Variants in STON2 observed in about 807,000 individuals in gnomAD.
STON2 encodes the protein stonin-2.
In STON2, 29 loss-of-function variants were observed where a neutral mutation model predicts 65.7. The observed-to-expected ratio is 0.44, with a 90% confidence interval of 0.33 to 0.60. The LOEUF is 0.60. STON2 is among the 20% of genes least tolerant of loss of function. The pLI is 0.03. For synonymous variants in STON2, 404 were observed against 414.2 expected, an observed-to-expected ratio of 0.98 and a Z score of 0.30; for missense variants, 1,054 against 1,118.1, an observed-to-expected ratio of 0.94 and a Z score of 0.82.
chr14:81,385,595 A>AGT (rs1899761012), intron 3 of STON2, among the ~76,000 whole-genome samples: 1 of 152,174 alleles, frequency 6.6e-6, no homozygotes, highest in African/African-American at 2.4e-5. Flanking sequence ...TTAAAAAACA[A>AGT]CAAGCTGACT....
rs1282937156 is a variant in STON2, at chr14:81,368,115, T to G, written c.571+2873A>C. On this transcript the variant is annotated intron_variant, in intron 4 of 7. Coordinates refer to ENST00000614646, the MANE Select transcript of STON2 (RefSeq NM_001394390.1). ...AAGGCAAAATATGTATATATGCTTG[T>G]ATGCATCCTCTATACATATCTGTAT... Among the ~76,000 whole-genome samples the G allele has an allele frequency of 2.6e-5, 4 of 152,214 alleles. No individual in the cohort carries two copies. In the East Asian group the frequency reaches 7.7e-4, roughly 29 times the overall value.
At chr14:81,359,281 T>A (rs938582638) in intron 4 of STON2, among the ~76,000 whole-genome samples, 1 of 152,158 alleles carries the variant, frequency 6.6e-6, no homozygotes, top group Non-Finnish European at 1.5e-5. Context: ...AACATGACTC[T>A]CAGCCAATGG....
chr14:81,298,418 G>GC (rs200367475), intron 5 of STON2, among the ~76,000 whole-genome samples: 2,504 of 55,464 alleles, frequency 0.045, 44 homozygotes, highest in Non-Finnish European at 0.076. Context: ...TTCAGATGGG[G>GC]GGGGGGAATC....
chr14:81,325,744 G>T (rs1230561640), intron 4 of STON2, among the ~76,000 whole-genome samples: 1 of 152,120 alleles, frequency 6.6e-6, no homozygotes, highest in Non-Finnish European at 1.5e-5. Flanking sequence ...ATATAGAATT[G>T]CTTGGGCAAG....
At position 81,261,670 on chromosome 14, in the gene STON2, C is replaced by A; in HGVS notation, c.*6744G>T. On this transcript the variant is annotated 3_prime_UTR_variant, in exon 8 of 8. Transcript: ENST00000614646. ...TACAAAATGACAAATATATATATACCTCATTGATTATCCTATCATCCCCAG... is the reference window on the plus strand; with the variant it reads ...TACAAAATGACAAATATATATATACATCATTGATTATCCTATCATCCCCAG... 1 of 991,272 alleles carries A rather than the reference C, an allele frequency of 1.0e-6. No individual in the cohort carries two copies. Among genetic ancestry groups the A allele is most frequent in the Non-Finnish European group, 1.4e-6 (1 of 730,128 alleles). The allele number at this position is 991,272 out of a possible 1,614,324, so 61.4% of individuals were successfully genotyped here.
chr14:81,307,165 A>G (rs1454691320), intron 5 of STON2, among the ~76,000 whole-genome samples: 1 of 152,238 alleles, frequency 6.6e-6, no homozygotes, highest in Non-Finnish European at 1.5e-5. Flanking sequence ...GAGAAATTTA[A>G]AAAACACACA....
At chr14:81,430,451 C>T (rs1323235122) in intron 1 of STON2, among the ~76,000 whole-genome samples, 2 of 152,108 alleles carry the variant, frequency 1.3e-5, no homozygotes, top group Admixed American at 6.5e-5. Context: ...ATCTGCAAAG[C>T]GGCTTCACAC....
In STON2 at chr14:81,278,240, A is replaced by C. The variant is rs750485762; in HGVS notation, c.1242T>G (p.Asp414Glu). 8 of 1,614,136 alleles carry C rather than the reference A, an allele frequency of 5.0e-6. No homozygotes were observed. Among genetic ancestry groups the C allele is most frequent in the Non-Finnish European group, 5.1e-6 (6 of 1,180,032 alleles). The change falls in exon 6 of 8, where the codon GAT becomes GAG. Residue 414 changes from aspartate to glutamate, a missense_variant. Physicochemically the swap from Asp to Glu is conservative, Grantham distance 45. Transcript: ENST00000614646. ...CATCCTGGTAGATGACAATGAGGGAATCTCTTTGGCTTTTGCCCGTGGTAC... is the reference window on the plus strand; with the variant it reads ...CATCCTGGTAGATGACAATGAGGGACTCTCTTTGGCTTTTGCCCGTGGTAC... ...ISSTTGKSQR[D>E]SLIVIYQDAI... is the part of the protein sequence containing the mutation.
Position 81,277,078 on chromosome 14 carries a change from C to G in STON2, c.2404G>C (p.Glu802Gln), listed in dbSNP as rs758770545. The change falls in exon 6 of 8, where the codon GAA becomes CAA. Residue 802 changes from glutamate (E) to glutamine (Q), a missense_variant. Glu to Gln is a conservative substitution (Grantham distance 29, BLOSUM62 2). Coordinates refer to ENST00000614646, the MANE Select transcript of STON2 (RefSeq NM_001394390.1). ...PSEWVKNFRR[E>Q]SVLGEKSLKA... Reference sequence around the variant, plus strand: ...AAAGACTTTTCCCCCAGGACACTTTCCCTGCGGAAGTTTTTCACCCACTCA... The same window carrying G: ...AAAGACTTTTCCCCCAGGACACTTTGCCTGCGGAAGTTTTTCACCCACTCA... 2.1e-5 allele frequency: 34 copies of G among 1,614,074 alleles called. No individual in the cohort carries two copies. In the East Asian group the frequency reaches 7.1e-4, roughly 34 times the overall value.
At chr14:81,338,240 G>T (rs1897451720) in intron 4 of STON2, among the ~76,000 whole-genome samples, 1 of 152,180 alleles carries the variant, frequency 6.6e-6, no homozygotes, top group South Asian at 2.1e-4. Context: ...ATTGGAACTT[G>T]CAGCCTCCTC....
At chr14:81,308,781 C>CACATATAT (rs1317324049) in intron 5 of STON2, among the ~76,000 whole-genome samples, 20 of 9,098 alleles carry the variant, frequency 2.2e-3, no homozygotes, top group South Asian at 3.7e-3. Flanking sequence ...TGGTTTTACC[C>CACATATAT]ATATATATAT....
intron 2 of STON2, among the ~76,000 whole-genome samples, chr14:81,397,189 A>G (rs1490826277): frequency 6.6e-6 from 1 of 152,218 alleles, no homozygotes; most frequent in African/African-American, 2.4e-5. Context: ...TTTTAATCAA[A>G]TAATTAATAT....
intron 2 of STON2, among the ~76,000 whole-genome samples, chr14:81,425,941 C>T (rs1289684404): frequency 6.6e-6 from 1 of 152,088 alleles, no homozygotes; most frequent in Non-Finnish European, 1.5e-5. Flanking sequence ...AATTAAAATT[C>T]GGATTTCAGC....
At chr14:81,273,234 G>C (rs555673491) in intron 6 of STON2, among the ~76,000 whole-genome samples, 1 of 152,320 alleles carries the variant, frequency 6.6e-6, no homozygotes, top group East Asian at 1.9e-4. Flanking sequence ...TCTCAGATGG[G>C]TAAGGGTGGT....
At chr14:81,371,433 C>T (rs1418771959) in intron 3 of STON2, among the ~76,000 whole-genome samples, 2 of 151,982 alleles carry the variant, frequency 1.3e-5, no homozygotes, top group African/African-American at 2.4e-5. Context: ...CGGTGGCTCA[C>T]GCCTGTAATC....
intron 4 of STON2, among the ~76,000 whole-genome samples, chr14:81,358,033 T>A (rs940272676): frequency 6.6e-6 from 1 of 150,474 alleles, no homozygotes; most frequent in Non-Finnish European, 1.5e-5. Flanking sequence ...AAACTTAAAG[T>A]ATAAAAATAA....
At position 81,341,097 on chromosome 14, in the gene STON2, T is replaced by C. The variant is rs193105004; in HGVS notation, c.572-16910A>G. Among the ~76,000 whole-genome samples, 850 of 152,318 alleles carry C rather than the reference T, an allele frequency of 5.6e-3. 5 individuals carry two copies. Among genetic ancestry groups the C allele is most frequent in the African/African-American group, 0.019 (805 of 41,566 alleles). ...AATTAAGGATGAATAAAATCATGTATGTGACAGCTTTTTGAAAACAGACGT... is the reference window on the plus strand; with the variant it reads ...AATTAAGGATGAATAAAATCATGTACGTGACAGCTTTTTGAAAACAGACGT... On this transcript the variant is annotated intron_variant, in intron 4 of 7. Transcript: ENST00000614646.
In STON2 at chr14:81,267,826, T is replaced by G. The variant is rs1894415935; in HGVS notation, c.*588A>C. 3 of 985,438 alleles carry G rather than the reference T, an allele frequency of 3.0e-6. No homozygotes were observed. Among genetic ancestry groups the G allele is most frequent in the Non-Finnish European group, 3.6e-6 (3 of 829,944 alleles). 61.0% of individuals were successfully genotyped at this position (985,438 alleles called of 1,614,324 possible). ...GAGAGATGGAAAAAGTGTTCCAATC[T>G]AAACGATCTAGAGCCAGGAGGGAAA... On this transcript the variant is annotated 3_prime_UTR_variant, in exon 8 of 8. Transcript: ENST00000614646.
chr14:81,272,556 T>G (rs550211246), intron 6 of STON2, among the ~76,000 whole-genome samples: 1 of 152,336 alleles, frequency 6.6e-6, no homozygotes, highest in Non-Finnish European at 1.5e-5. Flanking sequence ...AGGAAAACAT[T>G]AGATAGTGAA....
Sources: gnomAD v4.1 joint callset for allele counts (sites outside exome capture counted in the v4.1 genomes callset) on GRCh38, gnomAD v4.1.1 for gene constraint, MANE v1.5 for transcripts, NCBI Gene and HGNC (gene_info 2026-07-23, HGNC 2026-07-21) for gene names.